Variants in ST6GALNAC5 observed in about 807,000 individuals in gnomAD.
ST6GALNAC5 encodes the protein alpha-N-acetylgalactosaminide alpha-2,6-sialyltransferase 5.
ST6GALNAC5 carries 27 observed loss-of-function variants against 33.6 expected under a neutral mutation model. That is an observed-to-expected ratio of 0.80 (90% confidence interval 0.59 to 1.11). The LOEUF is 1.11. Ranked by LOEUF, ST6GALNAC5 falls within the 50% of genes least tolerant of loss-of-function variation. The pLI is 0.00. For missense variants in ST6GALNAC5, 428 were observed against 454.0 expected (o/e 0.94, Z 0.52); for synonymous variants, 194 against 171.2 (o/e 1.13, Z -1.04).
chr1:76,893,211 T>G (rs1254163138), intron 2 of ST6GALNAC5, among the ~76,000 whole-genome samples: 1 of 151,928 alleles, frequency 6.6e-6, no homozygotes, highest in Non-Finnish European at 1.5e-5. Flanking sequence ...TAAAAGTTTG[T>G]TAATAAGGAA....
At chr1:77,008,676 C>T (rs1341693416) in intron 2 of ST6GALNAC5, among the ~76,000 whole-genome samples, 1 of 152,074 alleles carries the variant, frequency 6.6e-6, no homozygotes, top group East Asian at 1.9e-4. Context: ...ATTACAGGTG[C>T]CCGCCACCAC....
At chr1:77,049,581 TA>T (rs140872929) in intron 3 of ST6GALNAC5, among the ~76,000 whole-genome samples, 4,933 of 152,290 alleles carry the variant, frequency 0.032, 133 homozygotes, top group Non-Finnish European at 0.052. Context: ...GTTCATTCCT[TA>T]AATTTTGTCA....
chr1:77,020,932 T>G (rs437225), intron 2 of ST6GALNAC5, among the ~76,000 whole-genome samples: 29,574 of 151,878 alleles, frequency 0.19, 3,023 homozygotes, highest in Admixed American at 0.25. Context: ...TTACCCGGGG[T>G]TCCGCACAGC....
chr1:77,004,475 C>G (rs1051957329), intron 2 of ST6GALNAC5, among the ~76,000 whole-genome samples: 5 of 143,930 alleles, frequency 3.5e-5, no homozygotes, highest in African/African-American at 1.2e-4. Context: ...TCGTCTGAAG[C>G]CTTCTTCTCT....
intron 2 of ST6GALNAC5, among the ~76,000 whole-genome samples, chr1:76,957,444 A>G (rs1310497778): frequency 6.6e-6 from 1 of 152,178 alleles, no homozygotes; most frequent in African/African-American, 2.4e-5. Flanking sequence ...TCATAATTTA[A>G]TTACATCTGC....
At chr1:76,987,188 TAAAC>T (rs771629497) in intron 2 of ST6GALNAC5, among the ~76,000 whole-genome samples, 21 of 151,546 alleles carry the variant, frequency 1.4e-4, no homozygotes, top group Non-Finnish European at 2.5e-4. Context: ...AATAAACAAA[TAAAC>T]AAAATCAATA....
intron 2 of ST6GALNAC5, among the ~76,000 whole-genome samples, chr1:76,977,268 G>A (rs1649048706): frequency 6.6e-6 from 1 of 151,896 alleles, no homozygotes; most frequent in South Asian, 2.1e-4. Flanking sequence ...GATCAAATCA[G>A]GTTAATTACC....
At chr1:77,061,945 G>A (rs554798611) in intron 4 of ST6GALNAC5, among the ~76,000 whole-genome samples, 3 of 152,278 alleles carry the variant, frequency 2.0e-5, no homozygotes, top group Non-Finnish European at 2.9e-5. Context: ...AAAGACTGTA[G>A]ACTTTGAGTA....
intron 2 of ST6GALNAC5, among the ~76,000 whole-genome samples, chr1:76,914,043 C>T (rs183566144): frequency 1.3e-5 from 2 of 152,094 alleles, no homozygotes; most frequent in African/African-American, 4.8e-5. Context: ...TTCTTATACA[C>T]CAATAACAGA....
At chr1:76,890,273 A>G (rs1653987105) in intron 2 of ST6GALNAC5, among the ~76,000 whole-genome samples, 1 of 152,090 alleles carries the variant, frequency 6.6e-6, no homozygotes, top group East Asian at 1.9e-4. Context: ...GAAGCAGAGA[A>G]TTTTTTTTAT....
intron 2 of ST6GALNAC5, among the ~76,000 whole-genome samples, chr1:76,918,757 G>A (rs1647001839): frequency 6.6e-6 from 1 of 152,016 alleles, no homozygotes; most frequent in Non-Finnish European, 1.5e-5. Flanking sequence ...TAGCTGGACA[G>A]CAACACAAAT....
intron 2 of ST6GALNAC5, among the ~76,000 whole-genome samples, chr1:76,995,956 A>C (rs1015805488): frequency 6.6e-6 from 1 of 152,222 alleles, no homozygotes; most frequent in Admixed American, 6.5e-5. Flanking sequence ...AGAGACCATT[A>C]GACATTACTA....
At chr1:76,970,425 C>T (rs1261007249) in intron 2 of ST6GALNAC5, among the ~76,000 whole-genome samples, 2 of 151,512 alleles carry the variant, frequency 1.3e-5, no homozygotes, top group East Asian at 3.9e-4. Context: ...GCTTCAATAG[C>T]CGATCCAATC....
chr1:76,940,498 T>C (rs1391753848), intron 2 of ST6GALNAC5, among the ~76,000 whole-genome samples: 1 of 152,050 alleles, frequency 6.6e-6, no homozygotes, highest in Non-Finnish European at 1.5e-5. Context: ...TGCATTTTTA[T>C]TGCAGGCTAT....
At chr1:76,955,885 C>T (rs1718909) in intron 2 of ST6GALNAC5, among the ~76,000 whole-genome samples, 2 of 152,176 alleles carry the variant, frequency 1.3e-5, no homozygotes, top group African/African-American at 4.8e-5. Context: ...ATATAGGAAT[C>T]TGAGTGATTC....
At chr1:76,899,357 G>C (rs1024891909) in intron 2 of ST6GALNAC5, among the ~76,000 whole-genome samples, 1 of 152,002 alleles carries the variant, frequency 6.6e-6, no homozygotes, top group South Asian at 2.1e-4. Flanking sequence ...GCAGAGAAGG[G>C]GTCGGGGTGT....
At chr1:76,982,435 G>C (rs1649296567) in intron 2 of ST6GALNAC5, among the ~76,000 whole-genome samples, 1 of 152,170 alleles carries the variant, frequency 6.6e-6, no homozygotes, top group Non-Finnish European at 1.5e-5. Flanking sequence ...TCAAATTAAT[G>C]AAATAAAGCA....
At chr1:77,005,619 G>A (rs2100417451) in intron 2 of ST6GALNAC5, among the ~76,000 whole-genome samples, 1 of 152,242 alleles carries the variant, frequency 6.6e-6, no homozygotes, top group African/African-American at 2.4e-5. Context: ...CACTCACATT[G>A]TTGTGCAACC....
intron 2 of ST6GALNAC5, among the ~76,000 whole-genome samples, chr1:77,015,050 A>ACACAC (rs1650773952): frequency 1.6e-5 from 2 of 122,502 alleles, no homozygotes; most frequent in African/African-American, 3.6e-5. Context: ...CTCGCACACA[A>ACACAC]ACACACACAC....
Sources: gnomAD v4.1 joint callset for allele counts (sites outside exome capture counted in the v4.1 genomes callset) on GRCh38, gnomAD v4.1.1 for gene constraint, MANE v1.5 for transcripts, NCBI Gene and HGNC (gene_info 2026-07-23, HGNC 2026-07-21) for gene names.